The following PPM1H variants were observed in gnomAD, a reference collection of about 807,000 sequenced individuals.
The protein encoded by PPM1H is protein phosphatase 1H.
PPM1H carries 27 observed loss-of-function variants against 54.9 expected under a neutral mutation model. The ratio of observed to expected loss-of-function variants is 0.49; its 90% CI spans 0.36 to 0.68. The LOEUF (loss-of-function observed/expected upper bound fraction) is 0.68. Among genes scored for constraint, PPM1H ranks in the 30% least tolerant of loss-of-function variants. PPM1H has a pLI of 0.00. For synonymous variants in PPM1H, 305 were observed against 270.8 expected (o/e 1.13, Z -1.24); for missense variants, 596 against 667.8 (o/e 0.89, Z 1.19).
At position 62,844,744 on chromosome 12, in the gene PPM1H, A is replaced by T. The variant is rs953356046; in HGVS notation, c.246-12465T>A. Among the ~76,000 whole-genome samples the T allele has an allele frequency of 6.6e-6, 1 of 152,232 alleles. No homozygotes were observed. The highest frequency in any genetic ancestry group is 2.4e-5 in the African/African-American group (1 of 41,464). On this transcript the variant is annotated intron_variant, in intron 1 of 9. Coordinates refer to ENST00000228705, the MANE Select transcript of PPM1H (RefSeq NM_020700.2). The surrounding 1 kb of genome is among the most constrained non-coding windows in gnomAD (Gnocchi z 5.2). ...ACGGAGTAGGTACTCGATAAATGTT[A>T]ATTGAATGAATAAACAAATGAACTC...
intron 4 of PPM1H, among the ~76,000 whole-genome samples, chr12:62,774,928 A>C (rs950731861): frequency 1.3e-5 from 2 of 152,154 alleles, no homozygotes; most frequent in African/African-American, 2.4e-5. Context: ...TGGGAACTTG[A>C]GAAAGACAAT....
chr12:62,807,547 G>T (rs958661894), intron 2 of PPM1H, among the ~76,000 whole-genome samples: 1 of 152,178 alleles, frequency 6.6e-6, no homozygotes, highest in Non-Finnish European at 1.5e-5. Context: ...CAGCTGAGTG[G>T]TGGCAGGACA....
intron 9 of PPM1H, among the ~76,000 whole-genome samples, chr12:62,648,915 T>A (rs1283015430): frequency 6.6e-6 from 1 of 152,234 alleles, no homozygotes; most frequent in African/African-American, 2.4e-5. Context: ...TTGATTACAT[T>A]GAGGGGAGTC....
intron 3 of PPM1H, among the ~76,000 whole-genome samples, chr12:62,798,844 G>A (rs2076750646): frequency 6.6e-6 from 1 of 152,022 alleles, no homozygotes; most frequent in African/African-American, 2.4e-5. Context: ...TCCCAACCCT[G>A]CCCTGCACAT....
At chr12:62,793,220 A>G (rs1417885941) in intron 3 of PPM1H, among the ~76,000 whole-genome samples, 2 of 152,202 alleles carry the variant, frequency 1.3e-5, no homozygotes, top group African/African-American at 2.4e-5. Context: ...TTAAGATTCA[A>G]TTAACAAGAT....
At chr12:62,865,698 A>C (rs559823600) in intron 1 of PPM1H, among the ~76,000 whole-genome samples, 1 of 152,078 alleles carries the variant, frequency 6.6e-6, no homozygotes, top group South Asian at 2.1e-4. Flanking sequence ...GGGTTTTGCC[A>C]TGTTGCCCAG....
chr12:62,861,360 G>C (rs1206211064), intron 1 of PPM1H, among the ~76,000 whole-genome samples: 1 of 152,172 alleles, frequency 6.6e-6, no homozygotes, highest in Non-Finnish European at 1.5e-5. Flanking sequence ...CAAGTTTCAA[G>C]TCCTGGAAAC....
At chr12:62,712,685 G>A (rs1157115734) in intron 6 of PPM1H, among the ~76,000 whole-genome samples, 1 of 152,208 alleles carries the variant, frequency 6.6e-6, no homozygotes, top group Non-Finnish European at 1.5e-5. Context: ...GTTCAAAAAT[G>A]TAGGCTTTCT....
intron 2 of PPM1H, among the ~76,000 whole-genome samples, chr12:62,812,106 T>C (rs2076839289): frequency 6.6e-6 from 1 of 152,230 alleles, no homozygotes; most frequent in Admixed American, 6.5e-5. Context: ...GTAATTAATC[T>C]CCTCGGCTTC....
intron 3 of PPM1H, among the ~76,000 whole-genome samples, chr12:62,792,751 T>C (rs763301544): frequency 6.6e-6 from 1 of 152,218 alleles, no homozygotes; most frequent in Non-Finnish European, 1.5e-5. Context: ...ATAGCACATT[T>C]ATTTTTTCCC....
At chr12:62,717,278 T>C (rs1288645056) in intron 6 of PPM1H, among the ~76,000 whole-genome samples, 5 of 152,230 alleles carry the variant, frequency 3.3e-5, no homozygotes, top group African/African-American at 9.6e-5. Flanking sequence ...GTAGCCAAGG[T>C]TGTGAGCCAA....
chr12:62,841,916 A>G (rs1264548767), intron 1 of PPM1H, among the ~76,000 whole-genome samples: 1 of 152,234 alleles, frequency 6.6e-6, no homozygotes, highest in African/African-American at 2.4e-5. Context: ...AACATTTAAC[A>G]TAGTAAAAAT....
At chr12:62,659,085 C>G in intron 9 of PPM1H, 7 of 729,216 alleles carry the variant, frequency 9.6e-6, no homozygotes, top group South Asian at 8.1e-5. Flanking sequence ...AGTGCTGCTG[C>G]CATGCAACAA....
At chr12:62,809,128 C>T (rs536672134) in intron 2 of PPM1H, among the ~76,000 whole-genome samples, 15 of 152,300 alleles carry the variant, frequency 9.8e-5, no homozygotes, top group African/African-American at 2.2e-4. Context: ...CCTGGCTCAC[C>T]GCAGCCTCTG....
chr12:62,746,315 A>G (rs1251858986), intron 4 of PPM1H, among the ~76,000 whole-genome samples: 1 of 152,244 alleles, frequency 6.6e-6, no homozygotes, highest in Admixed American at 6.5e-5. Context: ...ACTTGAAACT[A>G]TGCCCACAGG....
At chr12:62,883,527 C>A (rs1592653248) in intron 1 of PPM1H, among the ~76,000 whole-genome samples, 1 of 152,212 alleles carries the variant, frequency 6.6e-6, no homozygotes, top group East Asian at 1.9e-4. Context: ...ATATTCATGA[C>A]CCTTGGATAA....
chr12:62,846,430 G>A (rs1868969776), intron 1 of PPM1H, among the ~76,000 whole-genome samples: 1 of 151,764 alleles, frequency 6.6e-6, no homozygotes, highest in Non-Finnish European at 1.5e-5. Context: ...AACCCAGGAG[G>A]CGGAGGTTGC....
chr12:62,895,214 A>C (rs489033), intron 1 of PPM1H, among the ~76,000 whole-genome samples: 69,258 of 152,050 alleles, frequency 0.46, 18,004 homozygotes, highest in African/African-American at 0.69. Flanking sequence ...GCTTGGTATA[A>C]AAGAGATACT....
At chr12:62,658,076 A>AAAT (rs71086623) in intron 9 of PPM1H, among the ~76,000 whole-genome samples, 7 of 147,616 alleles carry the variant, frequency 4.7e-5, no homozygotes, top group African/African-American at 1.8e-4. Context: ...AAAAAAAAAA[A>AAAT]TGAGGTGGGG....
Sources: allele counts gnomAD v4.1 joint callset (sites outside exome capture counted in the v4.1 genomes callset), GRCh38; gene constraint gnomAD v4.1.1; non-coding constraint Gnocchi (gnomAD v3.1); transcripts MANE v1.5; gene names NCBI Gene and HGNC (gene_info 2026-07-23, HGNC 2026-07-21).